Variants in MYO7B observed in about 807,000 individuals in gnomAD.
MYO7B encodes unconventional myosin-VIIb.
MYO7B carries 212 observed loss-of-function variants against 259.7 expected under a neutral mutation model. The ratio of observed to expected loss-of-function variants is 0.82; its 90% confidence interval spans 0.73 to 0.91. The LOEUF (loss-of-function observed/expected upper bound fraction) is 0.91, where lower values mean the gene tolerates loss of function less well. MYO7B is among the 40% of genes least tolerant of loss of function. The pLI, the probability that MYO7B is intolerant of heterozygous loss-of-function variation, is 0.00. For missense variants in MYO7B, 2,732 were observed against 2,813.5 expected, an observed-to-expected ratio of 0.97 and a Z score of 0.66; for synonymous variants, 1,197 against 1,166.4, an observed-to-expected ratio of 1.03 and a Z score of -0.54.
At position 127,623,376 on chromosome 2, in the gene MYO7B, G is replaced by T; in HGVS notation, c.3819+1G>T. 3.8e-6 allele frequency: 6 copies of T among 1,574,592 alleles called. No homozygotes were observed. Among genetic ancestry groups the T allele is most frequent in the Non-Finnish European group, 5.2e-6 (6 of 1,160,736 alleles). On this transcript the variant is annotated splice_donor_variant, in intron 29 of 47. Transcript: ENST00000409816. LOFTEE classifies it high-confidence loss of function. The stretch of plus-strand genomic sequence containing the variant: ...CCTCCAGGTCGCCGTGTACGACAAG[G>T]TACCAGCCAGGCACCCTGCCCGTCA...
rs563080658 is a variant in MYO7B, at chr2:127,577,473, C to T, written c.850-660C>T. Among the ~76,000 whole-genome samples the T allele has an allele frequency of 6.6e-6, 1 of 152,272 alleles. No homozygotes were observed. Among genetic ancestry groups the T allele is most frequent in the Non-Finnish European group, 1.5e-5 (1 of 67,998 alleles). On this transcript the variant is annotated intron_variant, in intron 8 of 47. Coordinates refer to ENST00000409816, the MANE Select transcript of MYO7B (RefSeq NM_001393586.1). The surrounding 1 kb of genome is among the most constrained non-coding windows in gnomAD (Gnocchi z 5.2). ...GCGGCTTGTAGGGTAGAAGTCCAAA[C>T]TCCTCCATGTGGTTTCCAGGTCCCT...
intron 26 of MYO7B, 142 bp from the exon 27 acceptor site, chr2:127,620,198 G>C (rs996883180): frequency 2.1e-6 from 2 of 931,850 alleles, no homozygotes; most frequent in African/African-American, 3.3e-5. Flanking sequence ...GAGAGGAGGA[G>C]GCTGGGCAGG....
intron 2 of MYO7B, among the ~76,000 whole-genome samples, chr2:127,561,750 G>A: frequency 6.6e-6 from 1 of 152,184 alleles, no homozygotes; most frequent in East Asian, 1.9e-4. Flanking sequence ...GTAATATAGA[G>A]TAGAGATTAG....
rs1680474004 is a variant in MYO7B at position 127,613,806 on chromosome 2, C to T, written c.3398+1203C>T. On this transcript the variant is annotated intron_variant, in intron 26 of 47. Transcript: ENST00000409816. This position sits in a 1 kb window ranked among gnomAD's most constrained non-coding sequence, Gnocchi z 4.3. ...CCATGATGAGCAGAAGCTAGAATCCCTTTTTAGTTATTTTAGCCTTGGCTA... is the reference window on the plus strand; with the variant it reads ...CCATGATGAGCAGAAGCTAGAATCCTTTTTTAGTTATTTTAGCCTTGGCTA... Among the ~76,000 whole-genome samples, 1 of 152,200 alleles carries T rather than the reference C, an allele frequency of 6.6e-6. No homozygotes were observed. The highest frequency in any genetic ancestry group is 2.1e-4 in the South Asian group (1 of 4,824).
chr2:127,595,701 G>T (rs182220350), intron 18 of MYO7B, among the ~76,000 whole-genome samples: 128 of 152,276 alleles, frequency 8.4e-4, no homozygotes, highest in African/African-American at 3.0e-3. Context: ...AGAACTTCTT[G>T]ATTTCTGCCT....
At chr2:127,545,187 A>G (rs1693174740) in intron 1 of MYO7B, among the ~76,000 whole-genome samples, 1 of 152,236 alleles carries the variant, frequency 6.6e-6, no homozygotes, top group Admixed American at 6.5e-5. Context: ...ATGAACTTTT[A>G]CAAGTATATT....
intron 24 of MYO7B, among the ~76,000 whole-genome samples, chr2:127,610,477 G>A (rs1024073046): frequency 2.6e-5 from 4 of 152,336 alleles, no homozygotes; most frequent in African/African-American, 7.2e-5. Context: ...GTGGACATGT[G>A]TATGGGACCT....
At chr2:127,549,226 A>G (rs1265956136) in intron 1 of MYO7B, among the ~76,000 whole-genome samples, 1 of 151,026 alleles carries the variant, frequency 6.6e-6, no homozygotes, top group Non-Finnish European at 1.5e-5. Flanking sequence ...ATCTAGCTCT[A>G]TTTTGATTAG....
chr2:127,609,757 G>T lies in MYO7B; in HGVS notation c.3024+42G>T, dbSNP rs756463729. On this transcript the variant is annotated intron_variant, in intron 23 of 47. Transcript: ENST00000409816. The surrounding 1 kb of genome is among the most constrained non-coding windows in gnomAD (Gnocchi z 6.9). ...GCTTCTAGTGGATCAGGCCAGCCCC[G>T]AGCCTGGGGTGTGAGCTATGGCTCG... is the stretch of plus-strand genomic sequence containing the variant. The T allele has an allele frequency of 1.2e-6, 2 of 1,612,312 alleles. No individual in the cohort carries two copies. The highest frequency in any genetic ancestry group is 1.7e-5 in the Admixed American group (1 of 59,984).
chr2:127,575,185 C>T (rs532813824), intron 7 of MYO7B, among the ~76,000 whole-genome samples: 2 of 152,290 alleles, frequency 1.3e-5, no homozygotes, highest in Admixed American at 1.3e-4. Flanking sequence ...TCTCATTTGA[C>T]CTTCACAACC....
chr2:127,568,473 C>A (rs934600944), intron 5 of MYO7B, among the ~76,000 whole-genome samples: 7 of 152,186 alleles, frequency 4.6e-5, no homozygotes, highest in Admixed American at 1.3e-4. Context: ...TTGATGAGCT[C>A]GTGTTTATAA....
intron 26 of MYO7B, among the ~76,000 whole-genome samples, chr2:127,619,586 G>A (rs778922732): frequency 8.5e-5 from 13 of 152,092 alleles, no homozygotes; most frequent in African/African-American, 2.2e-4. Context: ...CGGTGATGTC[G>A]TGTCGCAGTT....
intron 41 of MYO7B, 34 bp downstream of exon 41, chr2:127,634,323 G>A (rs371371003): frequency 3.4e-5 from 50 of 1,477,450 alleles, no homozygotes; most frequent in East Asian, 4.9e-5. Flanking sequence ...GACGGTGGGC[G>A]GACGGGCAGT....
intron 24 of MYO7B, 106 bp downstream of exon 24, chr2:127,610,122 C>T (rs749662843): frequency 8.7e-5 from 126 of 1,440,898 alleles, no homozygotes; most frequent in Non-Finnish European, 1.1e-4. Flanking sequence ...AGACCTGGAG[C>T]CCTGTCCTCA....
At position 127,586,241 on chromosome 2, in the gene MYO7B, A is replaced by G. The variant is rs985948186; in HGVS notation, c.1690+1328A>G. On this transcript the variant is annotated intron_variant, in intron 14 of 47. Transcript: ENST00000409816. This position sits in a 1 kb window ranked among gnomAD's most constrained non-coding sequence, Gnocchi z 4.8. ...AGTTAATTTTGGGATATGTTGAGAGAGGATCGGTAATGGTTTTGACTGAAG... is the reference window on the plus strand; with the variant it reads ...AGTTAATTTTGGGATATGTTGAGAGGGGATCGGTAATGGTTTTGACTGAAG... 6.6e-6 allele frequency among the ~76,000 whole-genome samples: 1 copy of G among 152,024 alleles called. No homozygotes were observed. Among genetic ancestry groups the G allele is most frequent in the Non-Finnish European group, 1.5e-5 (1 of 68,018 alleles).
chr2:127,588,683 C>T, intron 15 of MYO7B, 128 bp downstream of exon 15: 1 of 1,094,948 alleles, frequency 9.1e-7, no homozygotes, highest in East Asian at 2.5e-5. Context: ...GGGAATCCTG[C>T]AATGGATGGA....
chr2:127,574,366 C>T (rs1678774520), intron 7 of MYO7B, among the ~76,000 whole-genome samples: 1 of 152,044 alleles, frequency 6.6e-6, no homozygotes, highest in Non-Finnish European at 1.5e-5. Flanking sequence ...CAAAACCCTG[C>T]CTCTACAAAA....
rs35542480 is a variant in MYO7B, at chr2:127,617,487, G to GTTTTTTTTTT, written c.3399-2836_3399-2827dup. Among the ~76,000 whole-genome samples, 60 of 84,818 alleles carry GTTTTTTTTTT rather than the reference G, an allele frequency of 7.1e-4. 3 individuals are homozygous for GTTTTTTTTTT. Among genetic ancestry groups the GTTTTTTTTTT allele is most frequent in the African/African-American group, 2.3e-3 (44 of 19,200 alleles). The allele number at this position is 84,818 out of a possible 152,430, so 55.6% of individuals were successfully genotyped here. On this transcript the variant is annotated intron_variant, in intron 26 of 47. Transcript: ENST00000409816. Reference sequence around the variant, plus strand: ...ATGCTGCCAGCAGACTTGTAACGGGGTTTTTTTTTTTTTTTTTTTTTTTTT... The same window carrying GTTTTTTTTTT: ...ATGCTGCCAGCAGACTTGTAACGGGGTTTTTTTTTTTTTTTTTTTTTTTTTTTTTTTTTTT...
chr2:127,626,605 A>AC (rs1206878342), intron 31 of MYO7B: 1 of 180,840 alleles, frequency 5.5e-6, no homozygotes, highest in Non-Finnish European at 1.2e-5. Context: ...AGGTGGCAAG[A>AC]CCCCCTCTAC....
Sources: gnomAD v4.1 joint callset for allele counts (sites outside exome capture counted in the v4.1 genomes callset) on GRCh38, gnomAD v4.1.1 for gene constraint, Gnocchi (gnomAD v3.1) non-coding constraint, MANE v1.5 for transcripts, NCBI Gene and HGNC (gene_info 2026-07-23, HGNC 2026-07-21) for gene names.